Variants in SLC5A10 observed in about 807,000 individuals in gnomAD.
SLC5A10 encodes the protein sodium/mannose cotransporter SLC5A10.
Under a neutral mutation model 68.9 loss-of-function variants are expected in SLC5A10, and 55 were observed. The ratio of observed to expected loss-of-function variants is 0.80; its 90% CI spans 0.64 to 1.00. The LOEUF (loss-of-function observed/expected upper bound fraction) is 1.00, where lower values mean the gene tolerates loss of function less well. Among genes scored for constraint, SLC5A10 ranks in the 50% least tolerant of loss-of-function variants. The pLI, the probability that SLC5A10 is intolerant of heterozygous loss-of-function variation, is 0.00. For synonymous variants in SLC5A10, 344 were observed against 344.8 expected (o/e 1.00, Z 0.02); for missense variants, 732 against 819.3 (o/e 0.89, Z 1.30).
At chr17:19,007,434 G>T (rs540826766) in intron 9 of SLC5A10, among the ~76,000 whole-genome samples, 1 of 152,120 alleles carries the variant, frequency 6.6e-6, no homozygotes, top group East Asian at 1.9e-4. Flanking sequence ...ATAGGCTCTT[G>T]CTCTGTTATC....
At chr17:18,960,993 T>G (rs1399392453) in intron 5 of SLC5A10, among the ~76,000 whole-genome samples, 1 of 152,112 alleles carries the variant, frequency 6.6e-6, no homozygotes, top group Non-Finnish European at 1.5e-5. Context: ...GATCTCCCAC[T>G]AGGGGGCGCC....
At chr17:19,013,897 T>G (rs1010615686) in intron 10 of SLC5A10, among the ~76,000 whole-genome samples, 3 of 151,984 alleles carry the variant, frequency 2.0e-5, no homozygotes, top group Admixed American at 6.6e-5. Flanking sequence ...CTCTAAGAAA[T>G]GGATGGAATA....
At position 19,022,091 on chromosome 17, in the gene SLC5A10, G is replaced by A; in HGVS notation, c.*1660G>A. On this transcript the variant is annotated 3_prime_UTR_variant, in exon 15 of 15. Coordinates refer to ENST00000395645, the MANE Select transcript of SLC5A10 (RefSeq NM_001042450.4). Reference sequence around the variant, plus strand: ...CGCCACGGCGGAAGCTGAGCTGCGAGGGGTCCTGGGCTGAGAAGTCAAACT... The same window carrying A: ...CGCCACGGCGGAAGCTGAGCTGCGAAGGGTCCTGGGCTGAGAAGTCAAACT... 6.3e-7 allele frequency: 1 copy of A among 1,586,900 alleles called. No homozygotes were observed. The highest frequency in any genetic ancestry group is 8.6e-7 in the Non-Finnish European group (1 of 1,167,424).
At chr17:19,014,155 A>C (rs2152155916) in intron 10 of SLC5A10, among the ~76,000 whole-genome samples, 1 of 152,322 alleles carries the variant, frequency 6.6e-6, no homozygotes, top group South Asian at 2.1e-4. Context: ...GGCTTATCCT[A>C]GGACAGACGG....
chr17:18,978,818 T>G, intron 9 of SLC5A10: 1 of 1,612,778 alleles, frequency 6.2e-7, no homozygotes, highest in Non-Finnish European at 8.5e-7. Context: ...AGAGATCACA[T>G]TCCGGTCCGT....
At chr17:18,963,755 G>A (rs1054401877) in intron 5 of SLC5A10, among the ~76,000 whole-genome samples, 4 of 152,248 alleles carry the variant, frequency 2.6e-5, no homozygotes, top group Non-Finnish European at 5.9e-5. Context: ...GGCGATGGCA[G>A]GGCCTGGAGA....
rs1000156355 is a variant in SLC5A10 at position 18,968,490 on chromosome 17, G to A, written c.454-562G>A. Among the ~76,000 whole-genome samples the A allele has an allele frequency of 1.3e-5, 2 of 152,228 alleles. No individual in the cohort carries two copies. Among genetic ancestry groups the A allele is most frequent in the Non-Finnish European group, 2.9e-5 (2 of 68,040 alleles). ...CACAGGTTCTGGGAGGGCAGGGGCT[G>A]TGTCCAGTCAGTGTGGAGACCAGCT... On this transcript the variant is annotated intron_variant, in intron 5 of 14. Transcript: ENST00000395645. This position sits in a 1 kb window ranked among gnomAD's most constrained non-coding sequence, Gnocchi z 4.1.
At chr17:18,970,950 G>C (rs1056620697) in intron 7 of SLC5A10, 63 bp from the exon 8 acceptor site, 4 of 1,505,894 alleles carry the variant, frequency 2.7e-6, no homozygotes, top group Non-Finnish European at 3.7e-6. Flanking sequence ...AGGCAGGGGG[G>C]AGCCCAGGGA....
chr17:18,966,250 G>A (rs892085096), intron 5 of SLC5A10, among the ~76,000 whole-genome samples: 1 of 152,174 alleles, frequency 6.6e-6, no homozygotes, highest in Non-Finnish European at 1.5e-5. Context: ...CAGCAGCCTG[G>A]ATCAGGCTGC....
Position 18,976,640 on chromosome 17 carries a change from T to C in SLC5A10, c.847-214T>C, listed in dbSNP as rs904584761. 22 of 589,632 alleles carry C rather than the reference T, an allele frequency of 3.7e-5. No homozygotes were observed. The Admixed American group carries it at 4.9e-4, about 13-fold the overall frequency. 36.5% of individuals were successfully genotyped at this position (589,632 alleles called of 1,614,324 possible). ...AGGGGACTGAGTCCCTGGGAATGAG[T>C]GTACCTCGGCTCTCGCTGCTTGGCC... On this transcript the variant is annotated intron_variant, in intron 8 of 14. Coordinates refer to ENST00000395645, the MANE Select transcript of SLC5A10 (RefSeq NM_001042450.4).
intron 9 of SLC5A10, among the ~76,000 whole-genome samples, chr17:18,987,026 G>A (rs1200519920): frequency 6.6e-6 from 1 of 152,186 alleles, no homozygotes; most frequent in East Asian, 1.9e-4. Flanking sequence ...GACTCACCAC[G>A]GAGTGCTCAC....
At chr17:18,992,879 C>T (rs531239697) in intron 9 of SLC5A10, among the ~76,000 whole-genome samples, 1 of 152,170 alleles carries the variant, frequency 6.6e-6, no homozygotes, top group South Asian at 2.1e-4. Context: ...GGTGGCCGCC[C>T]TCTCCCTGCC....
Position 19,017,577 on chromosome 17 carries a change from A to G in SLC5A10, c.1242-1846A>G, listed in dbSNP as rs951059727. The G allele has an allele frequency of 3.4e-6, 2 of 593,244 alleles. No homozygotes were observed. Among genetic ancestry groups the G allele is most frequent in the Non-Finnish European group, 3.0e-6 (1 of 337,560 alleles). 36.7% of individuals were successfully genotyped at this position (593,244 alleles called of 1,614,324 possible). On this transcript the variant is annotated intron_variant, in intron 11 of 14. Transcript: ENST00000395645. The surrounding 1 kb of genome is among the most constrained non-coding windows in gnomAD (Gnocchi z 5.6). ...GAGGAGCCGTCACAGGCTGGGGGAG[A>G]GCGATGACCCGCCCCCACTCCCGTA... is the stretch of plus-strand genomic sequence containing the variant.
In SLC5A10 at chr17:18,971,198, TGGTACTGGTGCACCGACCA is replaced by T; in HGVS notation, c.830_846+2del. On this transcript the variant is annotated frameshift_variant and splice_region_variant, in exon 8 of 15. Transcript: ENST00000395645. LOFTEE classifies it high-confidence loss of function. This position sits in a 1 kb window ranked among gnomAD's most constrained non-coding sequence, Gnocchi z 5.5. ...CTTTGGCCTGACCATCATGGCCACC[TGGTACTGGTGCACCGACCA>T]GGTGAGTGCCAACGTCTCCCGCCCA... The T allele has an allele frequency of 6.2e-7, 1 of 1,613,962 alleles. No individual in the cohort carries two copies. Among genetic ancestry groups the T allele is most frequent in the South Asian group, 1.1e-5 (1 of 91,090 alleles).
chr17:19,008,489 A>T (rs1372178680), intron 9 of SLC5A10, among the ~76,000 whole-genome samples: 1 of 150,034 alleles, frequency 6.7e-6, no homozygotes, highest in Non-Finnish European at 1.5e-5. Context: ...AGAGGAGGAG[A>T]CAGCCTCACA....
In SLC5A10 at chr17:18,977,726, C is replaced by T. The variant is rs200038747; in HGVS notation, c.982+737C>T. 2,162 of 1,608,152 alleles carry T rather than the reference C, an allele frequency of 1.3e-3. 2 individuals carry two copies. Among genetic ancestry groups the T allele is most frequent in the Middle Eastern group, 9.1e-3 (55 of 6,042 alleles). On this transcript the variant is annotated intron_variant, in intron 9 of 14. Coordinates refer to ENST00000395645, the MANE Select transcript of SLC5A10 (RefSeq NM_001042450.4). ...GGTTATATGGGGGGCACTCAGCTGCCGGCGCGGTGGTGGGGTTGGCCCGTT... is the reference window on the plus strand; with the variant it reads ...GGTTATATGGGGGGCACTCAGCTGCTGGCGCGGTGGTGGGGTTGGCCCGTT...
chr17:19,018,491 C>CT lies in SLC5A10; in HGVS notation c.1242-931dup, dbSNP rs1017540890. ...GCTCATCTGTTTTCTTTGCTGGACT[C>CT]TGAGTGCTGGGCAGGCACCAGGTCC... is the stretch of plus-strand genomic sequence containing the variant. On this transcript the variant is annotated intron_variant, in intron 11 of 14. Coordinates refer to ENST00000395645, the MANE Select transcript of SLC5A10 (RefSeq NM_001042450.4). The surrounding 1 kb of genome is among the most constrained non-coding windows in gnomAD (Gnocchi z 4.2). 3 of 152,420 alleles carry CT rather than the reference C, an allele frequency of 2.0e-5. No homozygotes were observed. In the East Asian group the frequency reaches 5.8e-4, roughly 29 times the overall value. 9.4% of individuals were successfully genotyped at this position (152,420 alleles called of 1,614,324 possible).
At chr17:18,989,455 T>A (rs1340483013) in intron 9 of SLC5A10, among the ~76,000 whole-genome samples, 1 of 127,592 alleles carries the variant, frequency 7.8e-6, no homozygotes, top group Non-Finnish European at 1.6e-5. Context: ...CAGGCCCCCA[T>A]CGTTCACCTG....
chr17:18,958,057 G>A (rs543578241), intron 1 of SLC5A10, among the ~76,000 whole-genome samples: 1 of 152,196 alleles, frequency 6.6e-6, no homozygotes, highest in Non-Finnish European at 1.5e-5. Context: ...ATGCATCAGA[G>A]CTTCATTCCC....
Sources: allele counts gnomAD v4.1 joint callset (sites outside exome capture counted in the v4.1 genomes callset), GRCh38; gene constraint gnomAD v4.1.1; non-coding constraint Gnocchi (gnomAD v3.1); transcripts MANE v1.5; gene names NCBI Gene and HGNC (gene_info 2026-07-23, HGNC 2026-07-21).